The following SEM1 variants were observed in gnomAD, a reference collection of about 807,000 sequenced individuals.
The protein encoded by SEM1 is SEM1 26S proteasome subunit.
In SEM1, 3 loss-of-function variants were observed where a neutral mutation model predicts 12.7. The ratio of observed to expected loss-of-function variants is 0.24; its 90% confidence interval spans 0.11 to 0.61. The LOEUF (loss-of-function observed/expected upper bound fraction) is 0.61, where lower values mean the gene tolerates loss of function less well. SEM1 is among the 20% of genes least tolerant of loss of function. The pLI, the probability that SEM1 is intolerant of heterozygous loss-of-function variation, is 0.88. For missense variants in SEM1, 59 were observed against 81.3 expected, an observed-to-expected ratio of 0.73 and a Z score of 1.06; for synonymous variants, 30 against 27.8, an observed-to-expected ratio of 1.08 and a Z score of -0.25.
chr7:96,603,604 C>T (rs1023057842), intron 2 of SEM1, among the ~76,000 whole-genome samples: 3 of 152,124 alleles, frequency 2.0e-5, no homozygotes, highest in African/African-American at 4.8e-5. Context: ...TGCCAGACCC[C>T]ACTGTTTTCT....
At chr7:96,633,073 T>C (rs964070334) in intron 2 of SEM1, among the ~76,000 whole-genome samples, 2 of 152,100 alleles carry the variant, frequency 1.3e-5, no homozygotes, top group African/African-American at 4.8e-5. Context: ...TTTTCAATAA[T>C]AAAATTGCCT....
At chr7:96,596,227 A>G (rs1040324300) in intron 2 of SEM1, among the ~76,000 whole-genome samples, 1 of 152,242 alleles carries the variant, frequency 6.6e-6, no homozygotes, top group African/African-American at 2.4e-5. Context: ...TAATAGCTCA[A>G]CACAAATAAA....
chr7:96,662,851 A>G (rs1444601888), intron 2 of SEM1, among the ~76,000 whole-genome samples: 1 of 152,212 alleles, frequency 6.6e-6, no homozygotes, highest in African/African-American at 2.4e-5. Context: ...ACAAAAAATT[A>G]GAAGGCAATA....
In SEM1 at chr7:96,615,239, A is replaced by ATTTTTTTTTTTTTTTTTTTTTTTTTTT. The variant is rs1421596853; in HGVS notation, c.170+79558_170+79559insAAAAAAAAAAAAAAAAAAAAAAAAAAA. On this transcript the variant is annotated intron_variant and NMD_transcript_variant, in intron 2 of 3. Coordinates refer to the SEM1 transcript ENST00000466986. ...GGACTGTTGGGTTATTTTTTGAGTC[A>ATTTTTTTTTTTTTTTTTTTTTTTTTTT]TCTTTTTTTTTTTTTTTTTTTTTTT... 1.8e-4 allele frequency among the ~76,000 whole-genome samples: 18 copies of ATTTTTTTTTTTTTTTTTTTTTTTTTTT among 98,134 alleles called. 6 individuals are homozygous for ATTTTTTTTTTTTTTTTTTTTTTTTTTT. The highest frequency in any genetic ancestry group is 3.8e-4 in the African/African-American group (9 of 23,758). 64.4% of individuals were successfully genotyped at this position (98,134 alleles called of 152,430 possible). A position where few individuals can be genotyped will look rare whatever the true frequency, so the allele number is the denominator to read the frequency against.
At chr7:96,641,007 ATAT>A (rs1221513529) in intron 2 of SEM1, among the ~76,000 whole-genome samples, 1 of 151,988 alleles carries the variant, frequency 6.6e-6, no homozygotes, top group African/African-American at 2.4e-5. Context: ...ACTTTTTTAA[ATAT>A]TATGTTTTTC....
At chr7:96,606,048 A>G (rs1406565354) in intron 2 of SEM1, among the ~76,000 whole-genome samples, 1 of 152,214 alleles carries the variant, frequency 6.6e-6, no homozygotes, top group Middle Eastern at 3.2e-3. Flanking sequence ...TTTACTTAAT[A>G]AAGGACCAAC....
At chr7:96,487,785 G>T (rs1368424125) in intron 1 of SEM1, among the ~76,000 whole-genome samples, 2 of 150,158 alleles carry the variant, frequency 1.3e-5, no homozygotes, top group African/African-American at 2.5e-5. Flanking sequence ...ATAATCAGGA[G>T]AGTTGTTAAC....
chr7:96,641,280 GT>G (rs1808584147), intron 2 of SEM1, among the ~76,000 whole-genome samples: 1 of 151,646 alleles, frequency 6.6e-6, no homozygotes, highest in African/African-American at 2.4e-5. Context: ...TTATCTATTA[GT>G]TTTTTTCTTC....
At chr7:96,533,447 GTTTAA>G (rs1005439008) in intron 2 of SEM1, among the ~76,000 whole-genome samples, 6 of 152,050 alleles carry the variant, frequency 3.9e-5, no homozygotes, top group African/African-American at 1.4e-4. Flanking sequence ...TCTCTAGGCT[GTTTAA>G]TTTATTTCAC....
At chr7:96,564,958 CATA>C (rs1233755742) in intron 2 of SEM1, among the ~76,000 whole-genome samples, 1 of 151,826 alleles carries the variant, frequency 6.6e-6, no homozygotes, top group African/African-American at 2.4e-5. Context: ...CTTTAGAAAA[CATA>C]AGCAGAAGAA....
At chr7:96,597,856 G>T (rs185410724) in intron 2 of SEM1, among the ~76,000 whole-genome samples, 38 of 152,026 alleles carry the variant, frequency 2.5e-4, no homozygotes, top group African/African-American at 8.9e-4. Context: ...TTTCGTGTGT[G>T]TTTTTCTTAT....
intron 2 of SEM1, among the ~76,000 whole-genome samples, chr7:96,580,026 A>G (rs549918555): frequency 6.6e-6 from 1 of 151,072 alleles, no homozygotes; most frequent in Non-Finnish European, 1.5e-5. Flanking sequence ...TGTGCAGGTT[A>G]GTTACATATG....
At chr7:96,568,539 T>C (rs942465990) in intron 2 of SEM1, among the ~76,000 whole-genome samples, 7 of 151,716 alleles carry the variant, frequency 4.6e-5, no homozygotes, top group African/African-American at 1.7e-4. Flanking sequence ...ATTTCTTATT[T>C]TGAATGTTTA....
rs1051880283 is a variant in SEM1 at position 96,629,476 on chromosome 7, T to G, written c.171-6833A>C. Among the ~76,000 whole-genome samples, 5 of 152,110 alleles carry G rather than the reference T, an allele frequency of 3.3e-5. 1 individual carries two copies. Reference sequence around the variant, plus strand: ...TATGCCAAATTCCAGAATTTCTGCTTTATTCATTTTAGTTATTTCAATCTC... The same window carrying G: ...TATGCCAAATTCCAGAATTTCTGCTGTATTCATTTTAGTTATTTCAATCTC... On this transcript the variant is annotated intron_variant, in intron 2 of 2. Transcript: ENST00000417009.
chr7:96,632,784 G>T lies in SEM1; in HGVS notation c.171-10141C>A, dbSNP rs867813548. ...AGGTGGTTTTTTTTTGTTGTTTTTT[G>T]TTTTTTTTTTTTTTTTGGCAGACAG... On this transcript the variant is annotated intron_variant, in intron 2 of 2. Transcript: ENST00000417009. Among the ~76,000 whole-genome samples the T allele has an allele frequency of 6.4e-3, 709 of 110,108 alleles. 7 individuals are homozygous for T. The highest frequency in any genetic ancestry group is 0.021 in the African/African-American group (660 of 32,086). 72.2% of individuals were successfully genotyped at this position (110,108 alleles called of 152,430 possible). A position where few individuals can be genotyped will look rare whatever the true frequency, so the allele number is the denominator to read the frequency against.
intron 2 of SEM1, among the ~76,000 whole-genome samples, chr7:96,662,740 G>A (rs1789046585): frequency 6.6e-6 from 1 of 152,120 alleles, no homozygotes; most frequent in South Asian, 2.1e-4. Flanking sequence ...TGGACAACTG[G>A]TGAAATTGGG....
chr7:96,616,477 C>G (rs930325806), intron 2 of SEM1, among the ~76,000 whole-genome samples: 2 of 151,924 alleles, frequency 1.3e-5, no homozygotes, highest in African/African-American at 4.8e-5. Context: ...TTTGCAAATA[C>G]TTTTTCCCTA....
intron 2 of SEM1, among the ~76,000 whole-genome samples, chr7:96,591,490 GTT>G (rs1300688705): frequency 6.6e-6 from 1 of 152,088 alleles, no homozygotes. Flanking sequence ...CAAATGACAG[GTT>G]CTACAAAGGT....
At chr7:96,495,558 T>G (rs535195673) in intron 1 of SEM1, among the ~76,000 whole-genome samples, 24 of 152,320 alleles carry the variant, frequency 1.6e-4, no homozygotes, top group Non-Finnish European at 2.8e-4. Flanking sequence ...ACTCTATCAC[T>G]GTCAGCACCA....
Sources: allele counts gnomAD v4.1 joint callset (sites outside exome capture counted in the v4.1 genomes callset), GRCh38; gene constraint gnomAD v4.1.1; transcripts MANE v1.5; gene names NCBI Gene and HGNC (gene_info 2026-07-23, HGNC 2026-07-21).